CDK14: variants seen among roughly 807,000 people sequenced by gnomAD.
The protein encoded by CDK14 is cyclin-dependent kinase 14.
A neutral mutation model predicts 60.7 loss-of-function variants in CDK14; 34 were observed. That is an observed-to-expected ratio of 0.56 (90% CI 0.43 to 0.75). The LOEUF (loss-of-function observed/expected upper bound fraction) is 0.75, where lower values mean the gene tolerates loss of function less well. Among genes scored for constraint, CDK14 ranks in the 30% least tolerant of loss-of-function variants. CDK14 has a pLI of 0.00. For missense variants in CDK14, 482 were observed against 564.1 expected, an observed-to-expected ratio of 0.85 and a Z score of 1.47; for synonymous variants, 197 against 203.7, an observed-to-expected ratio of 0.97 and a Z score of 0.28.
intron 11 of CDK14, among the ~76,000 whole-genome samples, chr7:91,071,793 T>A (rs559320260): frequency 6.6e-6 from 1 of 152,296 alleles, no homozygotes; most frequent in Admixed American, 6.5e-5. Context: ...GCAGCAGCCA[T>A]CTCTATAGCT....
chr7:90,782,585 T>G (rs1805387346), intron 4 of CDK14, among the ~76,000 whole-genome samples: 1 of 152,180 alleles, frequency 6.6e-6, no homozygotes, highest in African/African-American at 2.4e-5. Flanking sequence ...CTGTGTCTGT[T>G]TCCTTGGCTA....
chr7:90,692,603 A>AGAAT, intron 2 of CDK14: 1 of 688,580 alleles, frequency 1.5e-6, no homozygotes, highest in Non-Finnish European at 1.8e-6. Flanking sequence ...TGGACTAAGA[A>AGAAT]GAATGCATGA....
At chr7:90,686,934 C>G (rs936297436) in intron 2 of CDK14, among the ~76,000 whole-genome samples, 2 of 152,050 alleles carry the variant, frequency 1.3e-5, no homozygotes, top group Non-Finnish European at 2.9e-5. Flanking sequence ...ATGAGAAACT[C>G]TAACCAAATA....
intron 2 of CDK14, 67 bp downstream of exon 2, chr7:90,604,316 C>T (rs1036720429): frequency 1.2e-5 from 11 of 893,094 alleles, no homozygotes; most frequent in Non-Finnish European, 1.8e-5. Flanking sequence ...CAGTAGCTGC[C>T]AACTTTGTAC....
intron 14 of CDK14, among the ~76,000 whole-genome samples, chr7:91,124,874 T>G (rs548536142): frequency 6.6e-6 from 1 of 152,284 alleles, no homozygotes; most frequent in Admixed American, 6.5e-5. Flanking sequence ...AGGTGCTGTA[T>G]TTTTCCTTTT....
intron 2 of CDK14, among the ~76,000 whole-genome samples, chr7:90,695,402 G>T (rs908647041): frequency 7.9e-5 from 12 of 152,102 alleles, no homozygotes; most frequent in African/African-American, 2.7e-4. Context: ...TGGTAACAAT[G>T]GGTAAGAGTA....
rs79437727 is a variant in CDK14 at position 90,822,575 on chromosome 7, A to T, written c.544+31923A>T. Among the ~76,000 whole-genome samples the T allele has an allele frequency of 1.1e-3, 169 of 150,898 alleles. 1 individual carries two copies. In the East Asian group the frequency reaches 0.027, roughly 24 times the overall value. On this transcript the variant is annotated intron_variant, in intron 5 of 14. Transcript: ENST00000380050. The stretch of plus-strand genomic sequence containing the variant: ...CCTCCACTCCTTTTGCTGCCCAGTA[A>T]CTCTCTTCCCTTACCTGCAGAGCAG...
At chr7:90,763,974 T>C (rs1048449007) in intron 4 of CDK14, among the ~76,000 whole-genome samples, 4 of 152,188 alleles carry the variant, frequency 2.6e-5, no homozygotes, top group Non-Finnish European at 4.4e-5. Context: ...ATAAATTATA[T>C]GATCATATTA....
At chr7:91,076,547 C>T (rs959862701) in intron 11 of CDK14, among the ~76,000 whole-genome samples, 5 of 152,032 alleles carry the variant, frequency 3.3e-5, no homozygotes, top group Non-Finnish European at 7.4e-5. Flanking sequence ...CATAAAAACC[C>T]TAGAAAAAAT....
chr7:91,113,516 A>C (rs1175322392), intron 13 of CDK14, among the ~76,000 whole-genome samples: 1 of 152,216 alleles, frequency 6.6e-6, no homozygotes, highest in Non-Finnish European at 1.5e-5. Flanking sequence ...TATTGCCGTC[A>C]GAATATTTTT....
chr7:90,823,658 C>A (rs1453517896), intron 5 of CDK14, among the ~76,000 whole-genome samples: 1 of 152,174 alleles, frequency 6.6e-6, no homozygotes, highest in African/African-American at 2.4e-5. Flanking sequence ...TCAGGCTGGG[C>A]ATCGGCACTT....
intron 5 of CDK14, among the ~76,000 whole-genome samples, chr7:90,860,523 T>C (rs1262677423): frequency 1.3e-5 from 2 of 149,276 alleles, no homozygotes; most frequent in Admixed American, 6.7e-5. Flanking sequence ...TGTGTCTCAT[T>C]CCTTTTTTTT....
intron 14 of CDK14, among the ~76,000 whole-genome samples, chr7:91,157,244 C>T (rs1801011488): frequency 6.6e-6 from 1 of 152,156 alleles, no homozygotes; most frequent in Non-Finnish European, 1.5e-5. Flanking sequence ...CACCTAAACT[C>T]GGGCCGCAAT....
At chr7:91,077,997 A>G (rs1050474370) in intron 11 of CDK14, among the ~76,000 whole-genome samples, 1 of 152,234 alleles carries the variant, frequency 6.6e-6, no homozygotes, top group African/African-American at 2.4e-5. Context: ...CATGTAAAAA[A>G]CTGATAACAA....
intron 10 of CDK14, among the ~76,000 whole-genome samples, chr7:90,997,039 C>T (rs1795706058): frequency 1.3e-5 from 2 of 152,170 alleles, no homozygotes; most frequent in African/African-American, 4.8e-5. Flanking sequence ...CTAAATATAA[C>T]CCAACATTCA....
At chr7:90,939,244 A>G (rs1195532092) in intron 8 of CDK14, among the ~76,000 whole-genome samples, 1 of 152,242 alleles carries the variant, frequency 6.6e-6, no homozygotes, top group East Asian at 1.9e-4. Context: ...ATTTGGACTG[A>G]CAAGATGGGA....
intron 8 of CDK14, among the ~76,000 whole-genome samples, chr7:90,923,401 G>T (rs1053428915): frequency 1.3e-5 from 2 of 152,142 alleles, no homozygotes; most frequent in Non-Finnish European, 2.9e-5. Flanking sequence ...GAGCCACCAT[G>T]CCTGGCCCAA....
At position 91,197,818 on chromosome 7, in the gene CDK14, A is replaced by G. The variant is rs76858558; in HGVS notation, c.*29-9347A>G. ...TTCTATAGAAATATAGCAACATGCT[A>G]TGGTGGGATAACTAGTATCAAAATA... is the stretch of plus-strand genomic sequence containing the variant. On this transcript the variant is annotated intron_variant, in intron 14 of 14. Transcript: ENST00000380050. 4.6e-3 allele frequency among the ~76,000 whole-genome samples: 704 copies of G among 152,372 alleles called. 12 individuals are homozygous for G. Among genetic ancestry groups the G allele is most frequent in the African/African-American group, 0.016 (668 of 41,588 alleles).
intron 12 of CDK14, among the ~76,000 whole-genome samples, chr7:91,097,898 C>T (rs1217032565): frequency 6.6e-6 from 1 of 152,158 alleles, no homozygotes; most frequent in Non-Finnish European, 1.5e-5. Context: ...CATCTCCTGG[C>T]TGGCCATGTC....
Sources: allele counts gnomAD v4.1 joint callset (sites outside exome capture counted in the v4.1 genomes callset), GRCh38; gene constraint gnomAD v4.1.1; transcripts MANE v1.5; gene names NCBI Gene and HGNC (gene_info 2026-07-23, HGNC 2026-07-21).